SRFBP1: variants seen among roughly 807,000 people sequenced by gnomAD.
SRFBP1 encodes serum response factor binding protein 1.
In SRFBP1, 47 loss-of-function variants were observed where a neutral mutation model predicts 45.5. The observed-to-expected ratio is 1.03, with a 90% confidence interval of 0.82 to 1.32. The LOEUF (loss-of-function observed/expected upper bound fraction) is 1.32, where lower values mean the gene tolerates loss of function less well. Among genes scored for constraint, SRFBP1 ranks in the 40% most tolerant of loss-of-function variants. The pLI is 0.00. For synonymous variants in SRFBP1, 203 were observed against 166.3 expected (o/e 1.22, Z -1.70); for missense variants, 621 against 484.6 (o/e 1.28, Z -2.64).
chr5:122,066,632 T>G (rs1202104711), intron 2 of SRFBP1: 1 of 882,634 alleles, frequency 1.1e-6, no homozygotes, highest in Non-Finnish European at 1.8e-6. Context: ...ATTCTTTTGT[T>G]GTTTTCTGTT....
At position 122,022,423 on chromosome 5, in the gene SRFBP1, TGCCTGACCTTCATATGCAATTAA is replaced by T. The variant is rs767796902; in HGVS notation, c.1105+19_1105+41del. ...AGATCCCTAGGTATGTATTCATAGT[TGCCTGACCTTCATATGCAATTAA>T]GCTATGTTTTACCAGAGTAAAAGAA... On this transcript the variant is annotated intron_variant, in intron 7 of 7. Coordinates refer to ENST00000339397, the MANE Select transcript of SRFBP1 (RefSeq NM_152546.3). The T allele has an allele frequency of 5.0e-6, 8 of 1,603,272 alleles. No individual in the cohort carries two copies. The highest frequency in any genetic ancestry group is 6.8e-6 in the Non-Finnish European group (8 of 1,175,948).
chr5:122,022,946 A>G (rs903127606), intron 7 of SRFBP1, among the ~76,000 whole-genome samples: 1 of 152,234 alleles, frequency 6.6e-6, no homozygotes, highest in Admixed American at 6.5e-5. Context: ...GCTGTGTTCC[A>G]CATAGTCATT....
intron 1 of SRFBP1, among the ~76,000 whole-genome samples, chr5:121,962,396 T>A (rs1052465353): frequency 6.6e-6 from 1 of 152,212 alleles, no homozygotes; most frequent in Non-Finnish European, 1.5e-5. Context: ...CTGAGATACG[T>A]AAAGTATTTG....
intron 6 of SRFBP1, among the ~76,000 whole-genome samples, chr5:122,021,547 G>A (rs574937884): frequency 5.3e-5 from 8 of 151,922 alleles, no homozygotes; most frequent in Non-Finnish European, 8.8e-5. Context: ...ACATAAAAAC[G>A]TGTGGAGTGT....
At chr5:122,015,414 C>T (rs1336117020) in intron 4 of SRFBP1, among the ~76,000 whole-genome samples, 1 of 152,072 alleles carries the variant, frequency 6.6e-6, no homozygotes, top group Admixed American at 6.5e-5. Context: ...TTTTTTCTTT[C>T]TTCCTGATTT....
chr5:122,048,130 G>C (rs148288009), intron 2 of SRFBP1, among the ~76,000 whole-genome samples: 12,266 of 152,048 alleles, frequency 0.081, 787 homozygotes, highest in African/African-American at 0.17. Context: ...TGCCAGTTTT[G>C]AAAGGGAATG....
downstream of SRFBP1, among the ~76,000 whole-genome samples, chr5:122,031,779 A>G (rs1308119150): frequency 6.6e-6 from 1 of 152,236 alleles, no homozygotes; most frequent in African/African-American, 2.4e-5. Flanking sequence ...TGGTTTATGC[A>G]TACAGTGGAC....
chr5:122,075,193 T>G, intron 2 of SRFBP1: 1 of 472,570 alleles, frequency 2.1e-6, no homozygotes, highest in Non-Finnish European at 3.7e-6. Flanking sequence ...ATCAACAGCT[T>G]TAATAAGCTG....
rs1754538399 is a variant in SRFBP1, at chr5:122,074,039, G to A, written n.312-1276G>A. The stretch of plus-strand genomic sequence containing the variant: ...TGTGTGTGTGCAGTACATGCAAATC[G>A]CCTGTGGTAGCCATAGTCACAGGAT... On this transcript the variant is annotated intron_variant and non_coding_transcript_variant, in intron 2 of 2. Transcript: ENST00000504881. 6.2e-7 allele frequency: 1 copy of A among 1,614,014 alleles called. No homozygotes were observed. Among genetic ancestry groups the A allele is most frequent in the Non-Finnish European group, 8.5e-7 (1 of 1,179,936 alleles).
Position 121,988,798 on chromosome 5 carries a change from C to G in SRFBP1, c.199-5801C>G, listed in dbSNP as rs149688381. Among the ~76,000 whole-genome samples the G allele has an allele frequency of 1.1e-3, 160 of 152,324 alleles. 2 individuals are homozygous for G. Among genetic ancestry groups the G allele is most frequent in the African/African-American group, 3.8e-3 (156 of 41,570 alleles). ...GCTGGCCAAGGTCCAGTCCTGATGA[C>G]AGGCCTTTCTCAAGTATGTACAGAG... On this transcript the variant is annotated intron_variant, in intron 3 of 7. Coordinates refer to ENST00000339397, the MANE Select transcript of SRFBP1 (RefSeq NM_152546.3).
At chr5:122,042,596 C>A (rs1753788902) in intron 2 of SRFBP1, among the ~76,000 whole-genome samples, 2 of 152,132 alleles carry the variant, frequency 1.3e-5, no homozygotes, top group African/African-American at 4.8e-5. Context: ...AACTATTTTG[C>A]CCTTTTTCTT....
intron 1 of SRFBP1, among the ~76,000 whole-genome samples, chr5:121,963,917 C>A (rs1752005945): frequency 6.6e-6 from 1 of 150,416 alleles, no homozygotes. Flanking sequence ...AATAACCTAC[C>A]AAAGAAAAGA....
At chr5:122,004,773 A>G (rs1752944216) in intron 4 of SRFBP1, among the ~76,000 whole-genome samples, 1 of 152,098 alleles carries the variant, frequency 6.6e-6, no homozygotes, top group Non-Finnish European at 1.5e-5. Flanking sequence ...CTTTTGATGT[A>G]TGCATTTATT....
At chr5:122,038,937 A>G (rs1753732423) in intron 2 of SRFBP1, among the ~76,000 whole-genome samples, 3 of 152,176 alleles carry the variant, frequency 2.0e-5, no homozygotes. Flanking sequence ...TACACTCTCC[A>G]TCATTTATTT....
At chr5:122,047,497 T>C (rs1245829388) in intron 2 of SRFBP1, among the ~76,000 whole-genome samples, 3 of 152,200 alleles carry the variant, frequency 2.0e-5, no homozygotes, top group African/African-American at 7.2e-5. Context: ...TCCAGCTTTG[T>C]TCTTTTGGCT....
At chr5:122,052,763 C>T (rs1320544561) in intron 2 of SRFBP1, among the ~76,000 whole-genome samples, 4 of 152,124 alleles carry the variant, frequency 2.6e-5, no homozygotes, top group African/African-American at 4.8e-5. Context: ...TCAGTAATTT[C>T]GACTCAGTTA....
intron 1 of SRFBP1, among the ~76,000 whole-genome samples, chr5:121,969,947 T>A (rs190901564): frequency 6.6e-6 from 1 of 152,282 alleles, no homozygotes; most frequent in Admixed American, 6.5e-5. Context: ...ATAATCATAC[T>A]GTTTTTACAA....
At chr5:122,046,084 A>G (rs978879768) in intron 2 of SRFBP1, among the ~76,000 whole-genome samples, 4 of 152,122 alleles carry the variant, frequency 2.6e-5, no homozygotes, top group African/African-American at 9.7e-5. Context: ...TTTAGGGTAC[A>G]TGTGCACAAC....
intron 2 of SRFBP1, among the ~76,000 whole-genome samples, chr5:122,051,085 C>A: frequency 6.6e-6 from 1 of 151,982 alleles, no homozygotes; most frequent in Non-Finnish European, 1.5e-5. Flanking sequence ...AGTATTGATT[C>A]CTATTTTTAT....
Sources: gnomAD v4.1 joint callset for allele counts (sites outside exome capture counted in the v4.1 genomes callset) on GRCh38, gnomAD v4.1.1 for gene constraint, MANE v1.5 for transcripts, NCBI Gene and HGNC (gene_info 2026-07-23, HGNC 2026-07-21) for gene names.